The following CPED1 variants were observed in gnomAD, a reference collection of about 807,000 sequenced individuals.
CPED1 encodes the protein cadherin like and PC-esterase domain containing 1, also known as cadherin-like and PC-esterase domain-containing protein 1.
Under a neutral mutation model 128.2 loss-of-function variants are expected in CPED1, and 114 were observed. The observed-to-expected ratio is 0.89, with a 90% CI of 0.76 to 1.04. The LOEUF (loss-of-function observed/expected upper bound fraction) is 1.04. Among genes scored for constraint, CPED1 ranks in the 50% least tolerant of loss-of-function variants. CPED1 has a pLI of 0.00. For missense variants in CPED1, 1,211 were observed against 1,207.1 expected (o/e 1.00, Z -0.05); for synonymous variants, 462 against 426.7 (o/e 1.08, Z -1.02).
At chr7:121,228,586 C>A (rs200086740) in intron 16 of CPED1, among the ~76,000 whole-genome samples, 89 of 142,752 alleles carry the variant, frequency 6.2e-4, no homozygotes, top group South Asian at 1.6e-3. Flanking sequence ...GGAGATTTCT[C>A]AAAAAAAAAA....
At chr7:121,004,829 A>G (rs1398930854) in intron 2 of CPED1, among the ~76,000 whole-genome samples, 4 of 152,202 alleles carry the variant, frequency 2.6e-5, no homozygotes, top group Admixed American at 1.3e-4. Context: ...ATTTATTTAT[A>G]GAACATAACA....
intron 18 of CPED1, among the ~76,000 whole-genome samples, chr7:121,261,339 A>G (rs1165881627): frequency 6.6e-6 from 1 of 152,094 alleles, no homozygotes; most frequent in Non-Finnish European, 1.5e-5. Flanking sequence ...AGCCTTTCAC[A>G]TACTTCCCAC....
At chr7:121,072,665 G>A (rs2116094970) in intron 5 of CPED1, among the ~76,000 whole-genome samples, 1 of 152,186 alleles carries the variant, frequency 6.6e-6, no homozygotes, top group African/African-American at 2.4e-5. Flanking sequence ...TAGACAGTGG[G>A]AAATAGAGCA....
chr7:121,029,052 T>C, intron 3 of CPED1, among the ~76,000 whole-genome samples: 1 of 152,262 alleles, frequency 6.6e-6, no homozygotes. Context: ...TATAAAGTTA[T>C]ATTATATAAA....
At chr7:121,155,042 T>A (rs1796254391) in intron 16 of CPED1, among the ~76,000 whole-genome samples, 1 of 152,022 alleles carries the variant, frequency 6.6e-6, no homozygotes, top group African/African-American at 2.4e-5. Context: ...AAAATCAACA[T>A]ACAAAAATCA....
intron 7 of CPED1, among the ~76,000 whole-genome samples, chr7:121,101,092 A>G (rs1308139694): frequency 5.3e-5 from 8 of 152,046 alleles, no homozygotes; most frequent in African/African-American, 1.4e-4. Flanking sequence ...ATGTTTTCCT[A>G]TGATTTCTTA....
At chr7:121,098,563 C>T (rs1365108783) in intron 6 of CPED1, among the ~76,000 whole-genome samples, 1 of 151,140 alleles carries the variant, frequency 6.6e-6, no homozygotes, top group Non-Finnish European at 1.5e-5. Context: ...GAGAATCCAT[C>T]TATACAAAAA....
chr7:121,261,665 C>T (rs373563706), intron 18 of CPED1: 8 of 1,611,044 alleles, frequency 5.0e-6, no homozygotes, highest in South Asian at 1.1e-5. Flanking sequence ...TCCTAGAAGC[C>T]GTAATTGAAG....
intron 2 of CPED1, among the ~76,000 whole-genome samples, chr7:121,009,542 G>A (rs1420846837): frequency 6.6e-6 from 1 of 150,902 alleles, no homozygotes; most frequent in Non-Finnish European, 1.5e-5. Flanking sequence ...GAGAGGAGGA[G>A]GTTGTAGTAA....
At chr7:121,153,313 A>G (rs908219813) in intron 16 of CPED1, among the ~76,000 whole-genome samples, 27 of 152,212 alleles carry the variant, frequency 1.8e-4, no homozygotes, top group Admixed American at 2.0e-4. Context: ...AGCCTACATG[A>G]TTTCAACCAA....
chr7:121,073,163 C>T (rs1489372878), intron 5 of CPED1, among the ~76,000 whole-genome samples: 1 of 152,098 alleles, frequency 6.6e-6, no homozygotes, highest in Non-Finnish European at 1.5e-5. Flanking sequence ...ACTTTGTATG[C>T]TGTATGTATT....
At chr7:121,072,976 G>C (rs983134900) in intron 5 of CPED1, among the ~76,000 whole-genome samples, 1 of 152,076 alleles carries the variant, frequency 6.6e-6, no homozygotes, top group Non-Finnish European at 1.5e-5. Flanking sequence ...CATTGTAGCA[G>C]TGTCACAATG....
intron 7 of CPED1, among the ~76,000 whole-genome samples, chr7:121,106,656 C>A (rs1794981475): frequency 6.6e-6 from 1 of 152,020 alleles, no homozygotes; most frequent in Non-Finnish European, 1.5e-5. Context: ...TTCACCTGTC[C>A]TGTTCACAGC....
At chr7:121,220,963 C>CTA (rs773960131) in intron 16 of CPED1, among the ~76,000 whole-genome samples, 105 of 151,242 alleles carry the variant, frequency 6.9e-4, no homozygotes, top group Non-Finnish European at 1.2e-3. Context: ...TATCTTTACT[C>CTA]TATATCCATC....
At chr7:121,075,123 C>T (rs142489308) in intron 5 of CPED1, among the ~76,000 whole-genome samples, 38 of 152,166 alleles carry the variant, frequency 2.5e-4, no homozygotes, top group African/African-American at 8.2e-4. Flanking sequence ...ATGAGTCCTA[C>T]GGTGTTATTC....
At chr7:120,992,142 T>G (rs955526011) in intron 2 of CPED1, among the ~76,000 whole-genome samples, 6 of 152,170 alleles carry the variant, frequency 3.9e-5, no homozygotes, top group Non-Finnish European at 8.8e-5. Context: ...TTGATCATTT[T>G]CTAAAGTAAC....
chr7:121,259,950 T>C (rs12539571), intron 18 of CPED1, among the ~76,000 whole-genome samples: 62,924 of 151,660 alleles, frequency 0.41, 13,480 homozygotes, highest in Middle Eastern at 0.52. Flanking sequence ...TTTCAAAGTG[T>C]GGCTAATTTA....
intron 16 of CPED1, among the ~76,000 whole-genome samples, chr7:121,228,270 C>T (rs866501908): frequency 6.6e-6 from 1 of 151,816 alleles, no homozygotes. Context: ...CTAGAATACA[C>T]AAGGAACTCA....
At chr7:121,293,429 T>C (rs1792752847) in intron 22 of CPED1, among the ~76,000 whole-genome samples, 1 of 152,146 alleles carries the variant, frequency 6.6e-6, no homozygotes, top group Non-Finnish European at 1.5e-5. Context: ...CAGTGGATCT[T>C]AGCTTGTTGG....
Sources: gnomAD v4.1 joint callset for allele counts (sites outside exome capture counted in the v4.1 genomes callset) on GRCh38, gnomAD v4.1.1 for gene constraint, MANE v1.5 for transcripts, NCBI Gene and HGNC (gene_info 2026-07-23, HGNC 2026-07-21) for gene names.